Variants in SPAG17 observed in about 807,000 individuals in gnomAD.
SPAG17 encodes the protein sperm associated antigen 17.
In SPAG17, 169 loss-of-function variants were observed where a neutral mutation model predicts 273.6. The ratio of observed to expected loss-of-function variants is 0.62; its 90% CI spans 0.55 to 0.70. SPAG17 has a LOEUF of 0.70. Among genes scored for constraint, SPAG17 ranks in the 30% least tolerant of loss-of-function variants. The pLI is 0.00. For missense variants in SPAG17, 2,557 were observed against 2,627.8 expected (o/e 0.97, Z 0.59); for synonymous variants, 825 against 873.2 (o/e 0.94, Z 0.97).
intron 47 of SPAG17, chr1:117,965,558 C>T (rs1557841758): frequency 1.3e-5 from 2 of 152,206 alleles, no homozygotes; most frequent in Non-Finnish European, 1.5e-5. Context: ...GTTTCCTTCC[C>T]CCACCATGTC....
intron 17 of SPAG17, among the ~76,000 whole-genome samples, chr1:118,068,859 T>C (rs1314484177): frequency 6.6e-6 from 1 of 152,212 alleles, no homozygotes; most frequent in African/African-American, 2.4e-5. Flanking sequence ...CCTCAAGCTA[T>C]CCTCCTCTCT....
At chr1:118,169,157 A>T (rs1284786683) in intron 1 of SPAG17, among the ~76,000 whole-genome samples, 5 of 152,214 alleles carry the variant, frequency 3.3e-5, no homozygotes, top group Non-Finnish European at 7.3e-5. Flanking sequence ...CACTTGCAAT[A>T]CAAATGATCA....
chr1:118,028,220 T>G, intron 26 of SPAG17, 54 bp downstream of exon 26: 11 of 1,564,678 alleles, frequency 7.0e-6, no homozygotes, highest in Non-Finnish European at 9.5e-6. Context: ...ATTTCCTGTT[T>G]TCTACGTGAC....
chr1:118,000,448 T>C (rs1459152744), intron 32 of SPAG17, among the ~76,000 whole-genome samples: 1 of 152,204 alleles, frequency 6.6e-6, no homozygotes, highest in Non-Finnish European at 1.5e-5. Context: ...ATTCTTCCTA[T>C]CCATGAGCAT....
chr1:118,012,321 T>C lies in SPAG17; in HGVS notation c.4339A>G (p.Thr1447Ala). Residue 1447 changes from threonine to alanine, a missense_variant, in exon 30 of 49, where the codon ACT becomes GCT. Thr to Ala is a moderately conservative substitution (Grantham distance 58). Coordinates refer to ENST00000336338, the MANE Select transcript of SPAG17 (RefSeq NM_206996.4). ...CCATCAGCATGATCCACTATCCGAGTACCATCTTTCCTTTCAACTATGACA... is the reference window on the plus strand; with the variant it reads ...CCATCAGCATGATCCACTATCCGAGCACCATCTTTCCTTTCAACTATGACA... ...KVVIVERKDG[T>A]RIVDHADGTR... The C allele has an allele frequency of 6.2e-7, 1 of 1,613,798 alleles. No homozygotes were observed. Among genetic ancestry groups the C allele is most frequent in the Non-Finnish European group, 8.5e-7 (1 of 1,179,798 alleles).
At chr1:118,074,895 C>A (rs1368427118) in intron 15 of SPAG17, among the ~76,000 whole-genome samples, 1 of 152,180 alleles carries the variant, frequency 6.6e-6, no homozygotes, top group Non-Finnish European at 1.5e-5. Flanking sequence ...TAACAATATA[C>A]CTTTATCTTT....
intron 41 of SPAG17, 121 bp downstream of exon 41, chr1:117,984,562 A>G (rs1656193229): frequency 1.4e-5 from 9 of 647,204 alleles, no homozygotes; most frequent in Non-Finnish European, 2.4e-5. Flanking sequence ...CAGGTTAGTC[A>G]GCCAGGTCGA....
At position 117,984,698 on chromosome 1, in the gene SPAG17, C is replaced by T. The variant is rs147943539; in HGVS notation, c.5754G>A (p.Gln1918=). 4.6e-5 allele frequency: 74 copies of T among 1,599,684 alleles called. No homozygotes were observed. The highest frequency in any genetic ancestry group is 2.3e-4 in the Admixed American group (14 of 59,826). The change falls in exon 41 of 49, where the codon CAG becomes CAA. Residue 1918 remains glutamine (Q), a synonymous_variant. Coordinates refer to ENST00000336338, the MANE Select transcript of SPAG17 (RefSeq NM_206996.4). Reference sequence around the variant, plus strand: ...ATTCAATTACCTGAGACTGATATAACTGGTTCAATTCAGATTTAAAAAAGG... The same window carrying T: ...ATTCAATTACCTGAGACTGATATAATTGGTTCAATTCAGATTTAAAAAAGG... ...IPPFFKSELN[Q]LYQSQYNHLD...
At position 118,151,318 on chromosome 1, in the gene SPAG17, C is replaced by A. The variant is rs1321971921; in HGVS notation, c.139G>T (p.Asp47Tyr). The A allele has an allele frequency of 6.2e-7, 1 of 1,613,104 alleles. No individual in the cohort carries two copies. The highest frequency in any genetic ancestry group is 1.1e-5 in the South Asian group (1 of 90,898). ...ACGGTAAGGGCTTGGATGAGAAGAT[C>A]ATCTTCAATCTGGTTCCCAACCACA... ...AFVVGNQIED[D>Y]LLIQALTVAV... The change falls in exon 2 of 49, where the codon GAT (aspartate) becomes TAT (tyrosine). Residue 47 changes from aspartate to tyrosine, a missense_variant. Physicochemically the swap from Asp to Tyr is radical, Grantham distance 160. Transcript: ENST00000336338.
At chr1:118,035,239 C>T (rs183155365) in intron 24 of SPAG17, among the ~76,000 whole-genome samples, 1 of 152,118 alleles carries the variant, frequency 6.6e-6, no homozygotes, top group Non-Finnish European at 1.5e-5. Flanking sequence ...TTTTCAAATG[C>T]CATATTCATA....
At chr1:118,020,195 G>A (rs1405257142) in intron 28 of SPAG17, among the ~76,000 whole-genome samples, 1 of 152,174 alleles carries the variant, frequency 6.6e-6, no homozygotes, top group Non-Finnish European at 1.5e-5. Flanking sequence ...AAGGCAAGCG[G>A]ATCACTTTAG....
At chr1:118,023,220 TATA>T (rs894215647) in intron 28 of SPAG17, 81 bp downstream of exon 28, 158 of 947,718 alleles carry the variant, frequency 1.7e-4, no homozygotes, top group South Asian at 2.0e-4. Flanking sequence ...TTGCAAGTAT[TATA>T]ATAATAATAA....
intron 38 of SPAG17, among the ~76,000 whole-genome samples, chr1:117,989,055 G>T (rs1656762934): frequency 6.6e-6 from 1 of 152,112 alleles, no homozygotes; most frequent in Non-Finnish European, 1.5e-5. Context: ...TGTCCCAGAG[G>T]TTAAAAATTC....
In SPAG17 at chr1:118,115,371, A is replaced by G. The variant is rs1381642271; in HGVS notation, c.386T>C (p.Leu129Ser). The G allele has an allele frequency of 1.2e-6, 2 of 1,613,786 alleles. No individual in the cohort carries two copies. The highest frequency in any genetic ancestry group is 1.7e-6 in the Non-Finnish European group (2 of 1,179,740). Residue 129 changes from leucine to serine, a missense_variant, in exon 4 of 49, where the codon TTG becomes TCG. Leu to Ser is a moderately radical substitution (Grantham distance 145). Transcript: ENST00000336338. Reference protein sequence around the residue: ...KLTLPLIGKLLKFQLLQIKFK... With the variant: ...KLTLPLIGKLSKFQLLQIKFK... ...TTTAATCTGGAGAAGTTGAAATTTC[A>G]AGAGTTTCCCTATCAGTGGTAAGGT...
intron 13 of SPAG17, among the ~76,000 whole-genome samples, chr1:118,084,810 C>CT (rs113920034): frequency 4.5e-4 from 68 of 151,570 alleles, no homozygotes; most frequent in East Asian, 1.2e-3. Flanking sequence ...AGAATGTTTT[C>CT]TTTTTTTTTC....
chr1:118,133,604 C>A (rs986571025), intron 3 of SPAG17, among the ~76,000 whole-genome samples: 4 of 152,098 alleles, frequency 2.6e-5, no homozygotes, highest in Non-Finnish European at 5.9e-5. Context: ...CCTGCATCAA[C>A]CCCCTCAGAC....
Position 118,081,407 on chromosome 1 carries a change from C to T in SPAG17, c.1990+8G>A. The T allele has an allele frequency of 6.2e-7, 1 of 1,613,204 alleles. No individual in the cohort carries two copies. The highest frequency in any genetic ancestry group is 8.5e-7 in the Non-Finnish European group (1 of 1,179,398). On this transcript the variant is annotated splice_region_variant and intron_variant, in intron 14 of 48. Coordinates refer to ENST00000336338, the MANE Select transcript of SPAG17 (RefSeq NM_206996.4). Reference sequence around the variant, plus strand: ...AAGAATGCTTTCCATTCCCTCCATGCAGTGTACCTGCTTTCTGCTTGGCCT... The same window carrying T: ...AAGAATGCTTTCCATTCCCTCCATGTAGTGTACCTGCTTTCTGCTTGGCCT...
At chr1:118,148,283 C>T (rs1437850215) in intron 3 of SPAG17, among the ~76,000 whole-genome samples, 1 of 152,208 alleles carries the variant, frequency 6.6e-6, no homozygotes, top group Non-Finnish European at 1.5e-5. Context: ...AAGCCACTGA[C>T]TTCGTGGTGT....
At chr1:118,061,965 A>G (rs1652345289) in intron 18 of SPAG17, among the ~76,000 whole-genome samples, 1 of 152,228 alleles carries the variant, frequency 6.6e-6, no homozygotes, top group African/African-American at 2.4e-5. Flanking sequence ...TATGTACTAA[A>G]TTCTCAACCA....
Sources: gnomAD v4.1 joint callset for allele counts (sites outside exome capture counted in the v4.1 genomes callset) on GRCh38, gnomAD v4.1.1 for gene constraint, MANE v1.5 for transcripts, NCBI Gene and HGNC (gene_info 2026-07-23, HGNC 2026-07-21) for gene names.